NIPA1: variants seen among roughly 807,000 people sequenced by gnomAD.
NIPA1 encodes NIPA magnesium transporter 1, also known as magnesium transporter NIPA1.
NIPA1 carries 13 observed loss-of-function variants against 23.9 expected under a neutral mutation model. The ratio of observed to expected loss-of-function variants is 0.54; its 90% CI spans 0.35 to 0.87. The LOEUF (loss-of-function observed/expected upper bound fraction) is 0.87. NIPA1 is among the 40% of genes least tolerant of loss of function. The probability of loss-of-function intolerance (pLI) is 0.01; values close to 1 mark genes in which losing one functional copy is unlikely to be tolerated. For missense variants in NIPA1, 362 were observed against 429.7 expected (o/e 0.84, Z 1.39); for synonymous variants, 234 against 202.9 (o/e 1.15, Z -1.30).
At chr15:22,787,019 G>T (rs1194100830) in intron 1 of NIPA1, among the ~76,000 whole-genome samples, 185 bp downstream of exon 1, 1 of 151,896 alleles carries the variant, frequency 6.6e-6, no homozygotes, top group East Asian at 1.9e-4. Flanking sequence ...GCGTCCTGGC[G>T]CTCGGGCCCG....
chr15:22,802,133 C>T (rs142946769), intron 1 of NIPA1, among the ~76,000 whole-genome samples: 2,312 of 152,142 alleles, frequency 0.015, 74 homozygotes, highest in African/African-American at 0.053. Flanking sequence ...GTGGCTCACG[C>T]CCGTAATCCC....
chr15:22,795,744 A>G (rs1289439421), intron 1 of NIPA1, among the ~76,000 whole-genome samples: 1 of 152,114 alleles, frequency 6.6e-6, no homozygotes, highest in Non-Finnish European at 1.5e-5. Context: ...GAGGGAATGT[A>G]TAAGGATGTG....
intron 1 of NIPA1, among the ~76,000 whole-genome samples, chr15:22,791,844 C>T (rs895761365): frequency 7.9e-5 from 12 of 152,106 alleles, no homozygotes; most frequent in African/African-American, 2.4e-4. Flanking sequence ...GGAGCGTCGT[C>T]TACAGCATAG....
chr15:22,787,568 T>C (rs552600462), intron 1 of NIPA1, among the ~76,000 whole-genome samples: 1 of 152,320 alleles, frequency 6.6e-6, no homozygotes, highest in African/African-American at 2.4e-5. Flanking sequence ...TCCGTAGTGC[T>C]CTGCGGGGTA....
intron 1 of NIPA1, among the ~76,000 whole-genome samples, chr15:22,790,831 G>A (rs12903395): frequency 0.58 from 88,347 of 151,802 alleles, 26,115 homozygotes; most frequent in East Asian, 0.86. Flanking sequence ...GAATTGACCA[G>A]TATGAAATGA....
chr15:22,803,675 ATTTTT>A lies in NIPA1; in HGVS notation c.179-7056_179-7052del, dbSNP rs34811722. On this transcript the variant is annotated intron_variant, in intron 1 of 4. Coordinates refer to ENST00000337435, the MANE Select transcript of NIPA1 (RefSeq NM_144599.5). ...AGGCACCTGCTACCGGGCCCGGCTA[ATTTTT>A]TTTTTTTTTTTTTTTTTGAGACAGA... Among the ~76,000 whole-genome samples the A allele has an allele frequency of 4.2e-4, 30 of 71,090 alleles. No individual in the cohort carries two copies. The East Asian group carries it at 9.6e-3, about 23-fold the overall frequency. 46.6% of individuals were successfully genotyped at this position (71,090 alleles called of 152,430 possible). A position where few individuals can be genotyped will look rare whatever the true frequency, so the allele number is the denominator to read the frequency against.
chr15:22,812,640 G>A (rs1257064342), intron 3 of NIPA1, among the ~76,000 whole-genome samples: 2 of 149,262 alleles, frequency 1.3e-5, no homozygotes, highest in Non-Finnish European at 3.0e-5. Flanking sequence ...GAGACAGAGC[G>A]AGACTCTGCC....
In NIPA1 at chr15:22,824,274, G is replaced by GA; in HGVS notation, c.*35_*36insA. 1 of 1,582,142 alleles carries GA rather than the reference G, an allele frequency of 6.3e-7. No homozygotes were observed. The highest frequency in any genetic ancestry group is 8.7e-7 in the Non-Finnish European group (1 of 1,151,050). On this transcript the variant is annotated 3_prime_UTR_variant, in exon 5 of 5. Transcript: ENST00000337435. This position sits in a 1 kb window ranked among gnomAD's most constrained non-coding sequence, Gnocchi z 4.1. ...GGAGCTTGGATGGTTCGAGGAATAG[G>GA]CATTGGAGGTGGTTTCTGGCCGTGA...
chr15:22,786,642 G>T, upstream of NIPA1: 2 of 997,866 alleles, frequency 2.0e-6, no homozygotes, highest in Admixed American at 5.3e-5. Flanking sequence ...GGCTCGGAGG[G>T]CGGGCGCGGG....
intron 1 of NIPA1, among the ~76,000 whole-genome samples, chr15:22,792,393 C>T: frequency 6.6e-6 from 1 of 151,716 alleles, no homozygotes; most frequent in Non-Finnish European, 1.5e-5. Flanking sequence ...GAGTCTCGCT[C>T]TGTTGCCCAG....
intron 1 of NIPA1, among the ~76,000 whole-genome samples, chr15:22,790,703 C>T (rs991704666): frequency 6.6e-5 from 10 of 152,114 alleles, no homozygotes; most frequent in Non-Finnish European, 1.5e-4. Flanking sequence ...CGTGAGCCAC[C>T]ATGCTTGGCC....
intron 4 of NIPA1, 103 bp downstream of exon 4, chr15:22,820,576 C>T (rs759373607): frequency 2.1e-5 from 18 of 854,666 alleles, no homozygotes; most frequent in Admixed American, 1.2e-4. Context: ...GCAGAGGAAC[C>T]GTGTGTCCAC....
At chr15:22,806,877 A>AGG in intron 1 of NIPA1, among the ~76,000 whole-genome samples, 1 of 151,992 alleles carries the variant, frequency 6.6e-6, no homozygotes, top group South Asian at 2.1e-4. Context: ...AGGGCAGAAC[A>AGG]GGGGACACCC....
chr15:22,811,554 A>T (rs965088044), intron 2 of NIPA1, among the ~76,000 whole-genome samples: 2 of 152,196 alleles, frequency 1.3e-5, no homozygotes, highest in African/African-American at 4.8e-5. Flanking sequence ...CAGTGAGCCA[A>T]GATCACGCCA....
At chr15:22,820,225 A>G in intron 3 of NIPA1, 88 bp from the exon 4 acceptor site, 1 of 980,906 alleles carries the variant, frequency 1.0e-6, no homozygotes, top group Middle Eastern at 2.2e-4. Flanking sequence ...GAAAAAGAAA[A>G]TGGTTTTTCT....
chr15:22,793,042 C>T (rs1318449443), intron 1 of NIPA1, among the ~76,000 whole-genome samples: 8 of 151,722 alleles, frequency 5.3e-5, no homozygotes, highest in Non-Finnish European at 1.5e-5. Flanking sequence ...GCCTGGGCAA[C>T]GGAGTGAGAC....
intron 3 of NIPA1, among the ~76,000 whole-genome samples, chr15:22,812,579 G>T (rs187708641): frequency 6.6e-6 from 1 of 152,000 alleles, no homozygotes; most frequent in East Asian, 1.9e-4. Context: ...CTTGAACCTG[G>T]GGGGCAGAGG....
intron 1 of NIPA1, among the ~76,000 whole-genome samples, chr15:22,805,120 G>A (rs991284476): frequency 6.6e-6 from 1 of 152,068 alleles, no homozygotes; most frequent in Non-Finnish European, 1.5e-5. Context: ...GATTACAGGC[G>A]TGAGCCACCA....
intron 1 of NIPA1, among the ~76,000 whole-genome samples, chr15:22,797,599 G>A (rs1433147485): frequency 1.4e-5 from 2 of 143,594 alleles, no homozygotes; most frequent in African/African-American, 5.3e-5. Context: ...TCCACCTCCC[G>A]TTCAAGCAGT....
Sources: gnomAD v4.1 joint callset for allele counts (sites outside exome capture counted in the v4.1 genomes callset) on GRCh38, gnomAD v4.1.1 for gene constraint, Gnocchi (gnomAD v3.1) non-coding constraint, MANE v1.5 for transcripts, NCBI Gene and HGNC (gene_info 2026-07-23, HGNC 2026-07-21) for gene names.